The following RAB2A variants were observed in gnomAD, a reference collection of about 807,000 sequenced individuals.
RAB2A encodes the protein ras-related protein Rab-2A.
A neutral mutation model predicts 32.5 loss-of-function variants in RAB2A; 7 were observed. The ratio of observed to expected loss-of-function variants is 0.22; its 90% CI spans 0.12 to 0.40. The LOEUF (loss-of-function observed/expected upper bound fraction) is 0.40. RAB2A is among the 10% of genes least tolerant of loss of function. The probability of loss-of-function intolerance (pLI) is 1.00; values close to 1 mark genes in which losing one functional copy is unlikely to be tolerated. For missense variants in RAB2A, 108 were observed against 260.7 expected (o/e 0.41, Z 4.03); for synonymous variants, 79 against 85.2 (o/e 0.93, Z 0.40).
At chr8:60,569,152 A>G (rs1272739574) in intron 2 of RAB2A, among the ~76,000 whole-genome samples, 2 of 152,204 alleles carry the variant, frequency 1.3e-5, no homozygotes, top group Admixed American at 6.5e-5. Context: ...TTGATAGGAA[A>G]ACAGAAATCA....
chr8:60,540,107 A>G (rs572190732), intron 1 of RAB2A, among the ~76,000 whole-genome samples: 1 of 151,174 alleles, frequency 6.6e-6, no homozygotes, highest in South Asian at 2.1e-4. Context: ...AAAACCAAAT[A>G]CAGTATATAT....
At chr8:60,573,538 C>G (rs1243851367) in intron 3 of RAB2A, among the ~76,000 whole-genome samples, 1 of 152,164 alleles carries the variant, frequency 6.6e-6, no homozygotes, top group Non-Finnish European at 1.5e-5. Flanking sequence ...CCACTCGACT[C>G]TGGGTTCTTG....
At chr8:60,616,200 T>C (rs1415395011) in intron 6 of RAB2A, among the ~76,000 whole-genome samples, 1 of 152,232 alleles carries the variant, frequency 6.6e-6, no homozygotes, top group Non-Finnish European at 1.5e-5. Flanking sequence ...ATAAAATTAG[T>C]AGTGACTTAC....
intron 1 of RAB2A, among the ~76,000 whole-genome samples, chr8:60,536,577 T>A (rs1413730800): frequency 6.6e-6 from 1 of 152,228 alleles, no homozygotes; most frequent in Non-Finnish European, 1.5e-5. Flanking sequence ...TGTGTTAAGA[T>A]ACATGACTTA....
intron 1 of RAB2A, among the ~76,000 whole-genome samples, chr8:60,548,010 AC>A (rs1189126261): frequency 8.1e-4 from 9 of 11,110 alleles, no homozygotes; most frequent in Non-Finnish European, 1.4e-3. Flanking sequence ...CGGGGGGCTG[AC>A]CCCCCCACCT....
At chr8:60,610,173 G>A (rs1381514775) in intron 6 of RAB2A, among the ~76,000 whole-genome samples, 1 of 151,812 alleles carries the variant, frequency 6.6e-6, no homozygotes, top group Non-Finnish European at 1.5e-5. Flanking sequence ...TGAAGTACTA[G>A]ATACCACCAA....
Position 60,572,056 on chromosome 8 carries a change from C to A in RAB2A, c.129C>A (p.Phe43Leu). 2 of 1,606,556 alleles carry A rather than the reference C, an allele frequency of 1.2e-6. No individual in the cohort carries two copies. Among genetic ancestry groups the A allele is most frequent in the South Asian group, 2.2e-5 (2 of 90,740 alleles). The change falls in exon 3 of 8, where the codon TTC (phenylalanine) becomes TTA (leucine). Residue 43 changes from phenylalanine to leucine, a missense_variant. This residue lies in a region of RAB2A where 79 missense variants were observed against 199.8 expected (regional missense o/e 0.40). Coordinates refer to ENST00000262646, the MANE Select transcript of RAB2A (RefSeq NM_002865.3). ...TCCTACTCTATTTAGGTGTAGAGTT[C>A]GGTGCTCGAATGATAACTATTGATG... ...PVHDLTIGVE[F>L]GARMITIDGK... is the part of the protein sequence containing the mutation.
chr8:60,563,775 A>G (rs1260656794), intron 2 of RAB2A, among the ~76,000 whole-genome samples: 2 of 152,178 alleles, frequency 1.3e-5, no homozygotes, highest in African/African-American at 4.8e-5. Flanking sequence ...CATCAGAATT[A>G]TGCCATTGAT....
chr8:60,547,641 G>A (rs1807758282), intron 1 of RAB2A, among the ~76,000 whole-genome samples: 1 of 122,458 alleles, frequency 8.2e-6, no homozygotes, highest in Non-Finnish European at 1.8e-5. Context: ...GGGGCGGCTG[G>A]CCAGGCGGGG....
At chr8:60,525,308 T>C (rs1807361744) in intron 1 of RAB2A, among the ~76,000 whole-genome samples, 1 of 152,226 alleles carries the variant, frequency 6.6e-6, no homozygotes, top group African/African-American at 2.4e-5. Flanking sequence ...ATTCATACTC[T>C]GTTTTTCTCC....
intron 6 of RAB2A, among the ~76,000 whole-genome samples, chr8:60,613,271 TCTC>T (rs1303110554): frequency 1.3e-4 from 20 of 152,250 alleles, no homozygotes; most frequent in Middle Eastern, 6.8e-3. Context: ...AGTACTCCCT[TCTC>T]CTGTTGTTCC....
intron 6 of RAB2A, among the ~76,000 whole-genome samples, chr8:60,595,109 A>G (rs1804001846): frequency 6.6e-6 from 1 of 152,214 alleles, no homozygotes. Context: ...GAATGGCTAA[A>G]GGAAGTTTTC....
At chr8:60,577,888 C>G (rs950118679) in intron 3 of RAB2A, among the ~76,000 whole-genome samples, 2 of 151,064 alleles carry the variant, frequency 1.3e-5, no homozygotes, top group Non-Finnish European at 2.9e-5. Flanking sequence ...GTGATCCACC[C>G]GCCTCAGCTT....
Position 60,584,631 on chromosome 8 carries a change from A to G in RAB2A, c.270-92A>G. The G allele has an allele frequency of 2.8e-6, 3 of 1,081,610 alleles. No individual in the cohort carries two copies. The South Asian group carries it at 4.6e-5, about 17-fold the overall frequency. The allele number at this position is 1,081,610 out of a possible 1,614,324, so 67.0% of individuals were successfully genotyped here. A position where few individuals can be genotyped will look rare whatever the true frequency, so the allele number is the denominator to read the frequency against. ...TCTCGTTACATAAGTGGATATGGCT[A>G]AAAGTGGTTCTCTTTAAAAATATGT... On this transcript the variant is annotated intron_variant, in intron 4 of 7. Transcript: ENST00000262646.
At position 60,622,474 on chromosome 8, in the gene RAB2A, T is replaced by C. The variant is rs1407422687; in HGVS notation, c.*1705T>C. On this transcript the variant is annotated 3_prime_UTR_variant, in exon 8 of 8. Transcript: ENST00000262646. ...GTATTTGTAGTACAGCCTTTTTTTC[T>C]TTCAAGTGGCTGTATCAAATTCACT... 1 of 152,204 alleles carries C rather than the reference T, an allele frequency of 6.6e-6. No homozygotes were observed. Among genetic ancestry groups the C allele is most frequent in the Non-Finnish European group, 1.5e-5 (1 of 68,036 alleles). The allele number at this position is 152,204 out of a possible 1,614,324, so 9.4% of individuals were successfully genotyped here.
intron 5 of RAB2A, among the ~76,000 whole-genome samples, chr8:60,588,040 A>G (rs1395750978): frequency 6.6e-6 from 1 of 152,210 alleles, no homozygotes; most frequent in Non-Finnish European, 1.5e-5. Context: ...TAAAAGGCCG[A>G]GGCGGGAGGA....
Position 60,588,013 on chromosome 8 carries a change from G to T in RAB2A, c.362+3198G>T, listed in dbSNP as rs571957203. 1.5e-4 allele frequency among the ~76,000 whole-genome samples: 23 copies of T among 152,250 alleles called. No individual in the cohort carries two copies. The South Asian group carries it at 4.8e-3, about 32-fold the overall frequency. On this transcript the variant is annotated intron_variant, in intron 5 of 7. Transcript: ENST00000262646. The stretch of plus-strand genomic sequence containing the variant: ...TACAATCACTTTGGAAAACAATTTG[G>T]TAGTTTCTTTAGAAATTAAAAGGCC...
At position 60,590,444 on chromosome 8, in the gene RAB2A, C is replaced by T. The variant is rs951946258; in HGVS notation, c.363-1414C>T. On this transcript the variant is annotated intron_variant, in intron 5 of 7. Transcript: ENST00000262646. ...CTTGAGTCCTGGAGTTCAAGACCAG[C>T]GTGAGCAACATAGTGAGACTTTGTC... 1.2e-3 allele frequency among the ~76,000 whole-genome samples: 178 copies of T among 148,292 alleles called. 2 individuals are homozygous for T. Among genetic ancestry groups the T allele is most frequent in the Admixed American group, 8.0e-3 (118 of 14,826 alleles).
intron 6 of RAB2A, among the ~76,000 whole-genome samples, chr8:60,602,409 C>G (rs908857123): frequency 6.6e-6 from 1 of 152,146 alleles, no homozygotes; most frequent in African/African-American, 2.4e-5. Flanking sequence ...TCCTTAATAT[C>G]TAATATAAAG....
Sources: gnomAD v4.1 joint callset for allele counts (sites outside exome capture counted in the v4.1 genomes callset) on GRCh38, gnomAD v4.1.1 for gene constraint, gnomAD v4.1.1 regional missense constraint, MANE v1.5 for transcripts, NCBI Gene and HGNC (gene_info 2026-07-23, HGNC 2026-07-21) for gene names.